KCMF1: variants seen among roughly 807,000 people sequenced by gnomAD.
KCMF1 encodes the protein potassium channel modulatory factor 1, also known as E3 ubiquitin-protein ligase KCMF1.
Under a neutral mutation model 41.1 loss-of-function variants are expected in KCMF1, and 3 were observed. That is an observed-to-expected ratio of 0.07 (90% CI 0.03 to 0.19). The LOEUF (loss-of-function observed/expected upper bound fraction) is 0.19, where lower values mean the gene tolerates loss of function less well. KCMF1 is among the 10% of genes least tolerant of loss of function. KCMF1 has a pLI of 1.00. For missense variants in KCMF1, 286 were observed against 488.9 expected, an observed-to-expected ratio of 0.58 and a Z score of 3.91; for synonymous variants, 142 against 164.5, an observed-to-expected ratio of 0.86 and a Z score of 1.04.
chr2:84,972,676 A>C (rs979640113), intron 1 of KCMF1, among the ~76,000 whole-genome samples: 2 of 152,234 alleles, frequency 1.3e-5, no homozygotes, highest in Non-Finnish European at 2.9e-5. Context: ...TTTGGGAAAT[A>C]CGGACCTTAG....
At chr2:85,048,212 AT>A (rs1675719466) in intron 5 of KCMF1, among the ~76,000 whole-genome samples, 1 of 152,212 alleles carries the variant, frequency 6.6e-6, no homozygotes, top group South Asian at 2.1e-4. Context: ...TGCTTTGGAC[AT>A]TTGTGTGTGC....
At chr2:84,991,071 C>T (rs1462732942) in intron 1 of KCMF1, among the ~76,000 whole-genome samples, 1 of 152,140 alleles carries the variant, frequency 6.6e-6, no homozygotes, top group Non-Finnish European at 1.5e-5. Flanking sequence ...ATGAAGGTGC[C>T]TTGAGCTAGG....
At chr2:84,996,350 CA>C (rs1674175273) in intron 1 of KCMF1, among the ~76,000 whole-genome samples, 1 of 150,980 alleles carries the variant, frequency 6.6e-6, no homozygotes, top group African/African-American at 2.4e-5. Context: ...TATAAATAAG[CA>C]AACATTTGAA....
chr2:84,986,492 T>C (rs950281476), intron 1 of KCMF1, among the ~76,000 whole-genome samples: 5 of 151,906 alleles, frequency 3.3e-5, no homozygotes, highest in Non-Finnish European at 7.4e-5. Context: ...AAACATGCAG[T>C]GTGTTGGAGA....
chr2:84,990,373 A>C (rs1674011029), intron 1 of KCMF1, among the ~76,000 whole-genome samples: 1 of 152,218 alleles, frequency 6.6e-6, no homozygotes, highest in Admixed American at 6.5e-5. Flanking sequence ...CTATTACTGA[A>C]GCTAGGGATA....
chr2:85,004,102 T>G (rs1674405923), intron 1 of KCMF1, among the ~76,000 whole-genome samples: 2 of 152,198 alleles, frequency 1.3e-5, no homozygotes, highest in Admixed American at 6.5e-5. Flanking sequence ...GTGCATGATG[T>G]CATCACACTA....
intron 1 of KCMF1, among the ~76,000 whole-genome samples, chr2:85,003,717 G>C (rs923839407): frequency 6.6e-6 from 1 of 151,980 alleles, no homozygotes; most frequent in African/African-American, 2.4e-5. Context: ...GATTACAGGC[G>C]TGAGCTACCA....
In KCMF1 at chr2:84,971,433, C is replaced by G. The variant is rs1414459808; in HGVS notation, c.-19C>G. On this transcript the variant is annotated 5_prime_UTR_variant, in exon 1 of 7. Coordinates refer to ENST00000409785, the MANE Select transcript of KCMF1 (RefSeq NM_020122.5). The stretch of plus-strand genomic sequence containing the variant: ...AGCCGGAGCCCGGGAGGGGCCGCGC[C>G]GCCACCGTCTGAACTAGGATGTCCC... The G allele has an allele frequency of 8.0e-7, 1 of 1,257,510 alleles. No homozygotes were observed. Among genetic ancestry groups the G allele is most frequent in the African/African-American group, 1.6e-5 (1 of 63,308 alleles). The allele number at this position is 1,257,510 out of a possible 1,614,324, so 77.9% of individuals were successfully genotyped here. A position where few individuals can be genotyped will look rare whatever the true frequency, so the allele number is the denominator to read the frequency against.
chr2:84,975,349 G>C (rs1673518822), intron 1 of KCMF1, among the ~76,000 whole-genome samples: 1 of 152,134 alleles, frequency 6.6e-6, no homozygotes, highest in African/African-American at 2.4e-5. Flanking sequence ...GAACTATCAA[G>C]AGTCTAGAAG....
intron 1 of KCMF1, among the ~76,000 whole-genome samples, chr2:84,977,583 C>CTT (rs772731086): frequency 6.9e-6 from 1 of 144,548 alleles, no homozygotes. Context: ...CCACACCCGA[C>CTT]TTTTTTTTTT....
intron 1 of KCMF1, among the ~76,000 whole-genome samples, chr2:84,973,847 T>TTTTC (rs1673463499): frequency 7.0e-6 from 1 of 143,034 alleles, no homozygotes. Context: ...TTTTTTTTTT[T>TTTTC]AGCTGGAGTC....
intron 1 of KCMF1, among the ~76,000 whole-genome samples, chr2:85,003,255 C>T (rs932580599): frequency 1.3e-5 from 2 of 151,978 alleles, no homozygotes; most frequent in African/African-American, 2.4e-5. Context: ...GGGCAGATAA[C>T]GAGGTCAGGA....
At chr2:84,981,053 G>A (rs1418553448) in intron 1 of KCMF1, among the ~76,000 whole-genome samples, 5 of 145,678 alleles carry the variant, frequency 3.4e-5, no homozygotes, top group Admixed American at 1.4e-4. Context: ...CTTAATCACT[G>A]CTACTAGAAA....
intron 3 of KCMF1, among the ~76,000 whole-genome samples, chr2:85,043,165 C>A (rs1365637142): frequency 6.6e-6 from 1 of 152,212 alleles, no homozygotes; most frequent in Non-Finnish European, 1.5e-5. Context: ...TGGGAATTGG[C>A]TCTCAAGTAT....
intron 1 of KCMF1, among the ~76,000 whole-genome samples, chr2:85,000,306 G>A (rs1035775898): frequency 6.6e-6 from 1 of 152,004 alleles, no homozygotes; most frequent in Non-Finnish European, 1.5e-5. Context: ...CGTGTTTTTA[G>A]TAGAGACGGG....
At position 85,048,113 on chromosome 2, in the gene KCMF1, T is replaced by C. The variant is rs1033183092; in HGVS notation, c.602-1253T>C. On this transcript the variant is annotated intron_variant, in intron 5 of 6. Coordinates refer to ENST00000409785, the MANE Select transcript of KCMF1 (RefSeq NM_020122.5). ...GTACCCCCAAACCTAAAATAAAAAT[T>C]TAAAAAAGAAAAACAACCTAAGAAC... Among the ~76,000 whole-genome samples the C allele has an allele frequency of 4.6e-5, 7 of 151,898 alleles. No homozygotes were observed. In the South Asian group the frequency reaches 1.5e-3, roughly 32 times the overall value.
intron 3 of KCMF1, among the ~76,000 whole-genome samples, chr2:85,039,605 T>C (rs1444655992): frequency 6.6e-6 from 1 of 152,148 alleles, no homozygotes; most frequent in Non-Finnish European, 1.5e-5. Context: ...TGGCTGGTAG[T>C]CATGCCCTGG....
At chr2:85,004,336 C>A (rs915505883) in intron 1 of KCMF1, among the ~76,000 whole-genome samples, 1 of 151,974 alleles carries the variant, frequency 6.6e-6, no homozygotes, top group African/African-American at 2.4e-5. Flanking sequence ...ATGGTGAAAA[C>A]CTGCCTCTAC....
intron 1 of KCMF1, among the ~76,000 whole-genome samples, chr2:84,973,813 CTTTA>C (rs1673461108): frequency 7.3e-6 from 1 of 137,386 alleles, no homozygotes; most frequent in African/African-American, 2.6e-5. Context: ...CTTTCTTTTT[CTTTA>C]TTTCTTTCTT....
Sources: allele counts gnomAD v4.1 joint callset (sites outside exome capture counted in the v4.1 genomes callset), GRCh38; gene constraint gnomAD v4.1.1; transcripts MANE v1.5; gene names NCBI Gene and HGNC (gene_info 2026-07-23, HGNC 2026-07-21).